SOD2: variants seen among roughly 807,000 people sequenced by gnomAD.
The protein encoded by SOD2 is superoxide dismutase 2, also known as superoxide dismutase [Mn], mitochondrial.
A neutral mutation model predicts 27.0 loss-of-function variants in SOD2; 11 were observed. That is an observed-to-expected ratio of 0.41 (90% CI 0.26 to 0.67). SOD2 has a LOEUF of 0.67. Ranked by LOEUF, SOD2 falls within the 30% of genes least tolerant of loss-of-function variation. The pLI is 0.34. For missense variants in SOD2, 250 were observed against 274.5 expected, an observed-to-expected ratio of 0.91 and a Z score of 0.63; for synonymous variants, 105 against 103.0, an observed-to-expected ratio of 1.02 and a Z score of -0.12.
At chr6:159,714,195 C>T (rs1235326585) in intron 1 of SOD2, among the ~76,000 whole-genome samples, 1 of 152,206 alleles carries the variant, frequency 6.6e-6, no homozygotes, top group East Asian at 1.9e-4. Context: ...GCTGTCCCAT[C>T]TGTCACATAA....
chr6:159,742,114 A>G (rs1359952998), intron 1 of SOD2: 1 of 1,608,036 alleles, frequency 6.2e-7, no homozygotes, highest in Non-Finnish European at 8.5e-7. Flanking sequence ...GCATATGTAC[A>G]AGCTTTGGAG....
At chr6:159,743,594 T>C (rs1459298975) in intron 1 of SOD2, 4 of 1,414,380 alleles carry the variant, frequency 2.8e-6, no homozygotes, top group Non-Finnish European at 2.8e-6. Flanking sequence ...CCCTAGTTCT[T>C]ATTGTTCTTG....
chr6:159,743,871 C>T, intron 1 of SOD2: 1 of 1,391,768 alleles, frequency 7.2e-7, no homozygotes, highest in Admixed American at 2.6e-5. Flanking sequence ...TAATTTTAAA[C>T]ATTTAATGCT....
rs1240662918 is a variant in SOD2 at position 159,682,570 on chromosome 6, G to T, written c.592C>A (p.Pro198Thr). 2 of 1,613,920 alleles carry T rather than the reference G, an allele frequency of 1.2e-6. No homozygotes were observed. Among genetic ancestry groups the T allele is most frequent in the East Asian group, 2.2e-5 (1 of 44,854 alleles). ...AYYLQYKNVR[P>T]DYLKAIWNVI... ...TTCCAAATAGCTTTTAGATAATCAGGCCTGACATTTTTATACTGAAGGTAG... is the reference window on the plus strand; with the variant it reads ...TTCCAAATAGCTTTTAGATAATCAGTCCTGACATTTTTATACTGAAGGTAG... The change falls in exon 5 of 5, where the codon CCT becomes ACT. Residue 198 changes from proline (P) to threonine (T), a missense_variant. Pro to Thr is a conservative substitution (Grantham distance 38). Coordinates refer to ENST00000538183, the MANE Select transcript of SOD2 (RefSeq NM_000636.4).
intron 1 of SOD2, among the ~76,000 whole-genome samples, chr6:159,721,314 G>A (rs1488736803): frequency 7.9e-5 from 12 of 151,830 alleles, no homozygotes; most frequent in South Asian, 2.1e-4. Context: ...TGATCTGCCC[G>A]CCTCGGCCTC....
At chr6:159,685,082 A>G in intron 3 of SOD2, 49 bp from the exon 4 acceptor site, 1 of 1,413,094 alleles carries the variant, frequency 7.1e-7, no homozygotes, top group Non-Finnish European at 9.5e-7. Flanking sequence ...AGATTTCAAT[A>G]ATTACAGTAA....
At chr6:159,726,807 A>G in intron 1 of SOD2, 1 of 1,289,202 alleles carries the variant, frequency 7.8e-7, no homozygotes, top group Non-Finnish European at 1.0e-6. Flanking sequence ...GCGCCTCACG[A>G]CTGATGAGAG....
intron 3 of SOD2, among the ~76,000 whole-genome samples, chr6:159,687,447 T>A (rs967473188): frequency 2.0e-5 from 3 of 151,750 alleles, no homozygotes; most frequent in African/African-American, 7.3e-5. Flanking sequence ...ATTGCACCAC[T>A]GCGCTCCAGC....
intron 1 of SOD2, among the ~76,000 whole-genome samples, chr6:159,752,228 T>G (rs1324721450): frequency 6.6e-6 from 1 of 152,228 alleles, no homozygotes; most frequent in Non-Finnish European, 1.5e-5. Flanking sequence ...ATTTAAAAAA[T>G]GTTTTAACCC....
At chr6:159,713,744 TTCAACGTATC>T in intron 1 of SOD2, 1 of 930,288 alleles carries the variant, frequency 1.1e-6, no homozygotes, top group Non-Finnish European at 1.8e-6. Flanking sequence ...ACTTGAATAC[TTCAACGTATC>T]TGTGTCCCAT....
At position 159,692,833 on chromosome 6, in the gene SOD2, C is replaced by T. The variant is rs1583022028; in HGVS notation, c.54G>A (p.Gly18=). ...TGTGCTTCTGCCTGGAGCCCAGATA[C>T]CCCAAAACCGGAGCCAGCTGCCTGC... ...GTSRQLAPVL[G]YLGSRQKHSL... is the part of the protein sequence containing the mutation. Residue 18 remains glycine, a synonymous_variant, in exon 2 of 5, where the codon GGG becomes GGA. Coordinates refer to ENST00000538183, the MANE Select transcript of SOD2 (RefSeq NM_000636.4). 6.2e-7 allele frequency: 1 copy of T among 1,612,958 alleles called. No homozygotes were observed. Among genetic ancestry groups the T allele is most frequent in the Non-Finnish European group, 8.5e-7 (1 of 1,179,730 alleles).
intron 1 of SOD2, among the ~76,000 whole-genome samples, chr6:159,710,270 C>CATATATATATATATATATATATATAT (rs141490345): frequency 1.4e-5 from 2 of 143,476 alleles, no homozygotes; most frequent in African/African-American, 2.6e-5. Flanking sequence ...AGTATAAATA[C>CATATATATATATATATATATATATAT]ATATATATAT....
chr6:159,744,459 T>C (rs916940781), intron 1 of SOD2, among the ~76,000 whole-genome samples: 2 of 152,216 alleles, frequency 1.3e-5, no homozygotes, highest in Non-Finnish European at 2.9e-5. Flanking sequence ...AGTCTTCTTA[T>C]GTGTTATTAA....
chr6:159,709,688 C>T (rs1777693355), intron 1 of SOD2, among the ~76,000 whole-genome samples: 1 of 152,112 alleles, frequency 6.6e-6, no homozygotes, highest in Non-Finnish European at 1.5e-5. Context: ...ACTAGTTCAA[C>T]CATTGTGGAA....
chr6:159,687,142 AC>A (rs1305250336), intron 3 of SOD2, among the ~76,000 whole-genome samples: 1 of 152,230 alleles, frequency 6.6e-6, no homozygotes, highest in African/African-American at 2.4e-5. Flanking sequence ...GAAAAAAGGT[AC>A]AGACGGTTAA....
At chr6:159,757,937 T>TA (rs772980555) in intron 1 of SOD2, among the ~76,000 whole-genome samples, 2 of 152,232 alleles carry the variant, frequency 1.3e-5, no homozygotes, top group Non-Finnish European at 2.9e-5. Flanking sequence ...CAACCAGTGA[T>TA]ACAATTTTAT....
upstream of SOD2, among the ~76,000 whole-genome samples, chr6:159,698,248 G>A (rs992247502): frequency 5.9e-5 from 9 of 151,662 alleles, no homozygotes; most frequent in African/African-American, 1.9e-4. Flanking sequence ...ACTCCAGCCT[G>A]GGCGACAGAG....
chr6:159,744,545 C>G (rs1583093939), intron 1 of SOD2, among the ~76,000 whole-genome samples: 1 of 152,246 alleles, frequency 6.6e-6, no homozygotes, highest in East Asian at 1.9e-4. Flanking sequence ...TTTCTTTTGC[C>G]AATAGAATGT....
Position 159,682,598 on chromosome 6 carries a change from A to C in SOD2, c.564T>G (p.Ala188=), listed in dbSNP as rs112457572. 19 of 1,613,942 alleles carry C rather than the reference A, an allele frequency of 1.2e-5. No homozygotes were observed. The African/African-American group carries it at 1.7e-4, about 15-fold the overall frequency. ...PLLGIDVWEH[A]YYLQYKNVRP... ...TGACATTTTTATACTGAAGGTAGTAAGCGTGCTCCCACACATCAATCCCCA... is the reference window on the plus strand; with the variant it reads ...TGACATTTTTATACTGAAGGTAGTACGCGTGCTCCCACACATCAATCCCCA... Residue 188 remains alanine, a synonymous_variant, in exon 5 of 5, where the codon GCT becomes GCG. Transcript: ENST00000538183.
Sources: allele counts gnomAD v4.1 joint callset (sites outside exome capture counted in the v4.1 genomes callset), GRCh38; gene constraint gnomAD v4.1.1; transcripts MANE v1.5; gene names NCBI Gene and HGNC (gene_info 2026-07-23, HGNC 2026-07-21).